DNASE1L3: variants seen among roughly 807,000 people sequenced by gnomAD.
DNASE1L3 encodes the protein deoxyribonuclease 1L3, also known as deoxyribonuclease gamma.
A neutral mutation model predicts 30.9 loss-of-function variants in DNASE1L3; 27 were observed. The observed-to-expected ratio is 0.87, with a 90% CI of 0.64 to 1.20. The LOEUF (loss-of-function observed/expected upper bound fraction) is 1.20. Among genes scored for constraint, DNASE1L3 ranks in the 50% most tolerant of loss-of-function variants. The pLI is 0.00. For synonymous variants in DNASE1L3, 135 were observed against 138.0 expected (o/e 0.98, Z 0.15); for missense variants, 364 against 378.2 (o/e 0.96, Z 0.31).
intron 1 of DNASE1L3, 89 bp downstream of exon 1, chr3:58,210,677 C>T: frequency 6.3e-7 from 1 of 1,587,790 alleles, no homozygotes; most frequent in South Asian, 1.1e-5. Context: ...TAAGGGCCAA[C>T]TTTAAGTTCC....
At chr3:58,207,024 C>T (rs1370658917) in intron 2 of DNASE1L3, among the ~76,000 whole-genome samples, 1 of 152,172 alleles carries the variant, frequency 6.6e-6, no homozygotes, top group Non-Finnish European at 1.5e-5. Flanking sequence ...TCTCATCTTG[C>T]TCCTGCCCAA....
At chr3:58,203,668 T>C (rs1364008070) in intron 4 of DNASE1L3, among the ~76,000 whole-genome samples, 2 of 152,086 alleles carry the variant, frequency 1.3e-5, no homozygotes, top group Non-Finnish European at 1.5e-5. Flanking sequence ...AGTGTGGTGG[T>C]GCATGCCTAT....
In DNASE1L3 at chr3:58,201,065, T is replaced by G; in HGVS notation, c.478A>C (p.Thr160Pro). 6.2e-7 allele frequency: 1 copy of G among 1,613,060 alleles called. No individual in the cohort carries two copies. Reference protein sequence around the residue: ...VIIPLHTTPETSVKEIDELVE... With the variant: ...VIIPLHTTPEPSVKEIDELVE... ...AACTCATCGATCTCCTTAACGGATG[T>G]CTCTGGGGTGGTGTGCAGGGGGATA... The change falls in exon 5 of 8, where the codon ACA (threonine) becomes CCA (proline). Residue 160 changes from threonine to proline, a missense_variant. Physicochemically the swap from Thr to Pro is conservative, Grantham distance 38. Transcript: ENST00000394549.
chr3:58,203,626 A>G (rs2097402157), intron 4 of DNASE1L3, among the ~76,000 whole-genome samples: 2 of 152,132 alleles, frequency 1.3e-5, no homozygotes, highest in South Asian at 4.2e-4. Context: ...AGCGAGACCT[A>G]TCTCGCTATT....
At chr3:58,208,108 T>C in intron 2 of DNASE1L3, 110 bp downstream of exon 2, 1 of 1,041,456 alleles carries the variant, frequency 9.6e-7, no homozygotes, top group Middle Eastern at 2.7e-4. Flanking sequence ...ACTGGCTGTG[T>C]GAACTGGTGG....
In DNASE1L3 at chr3:58,192,993, A is replaced by G; in HGVS notation, c.802-190T>C. 7.0e-7 allele frequency: 1 copy of G among 1,436,924 alleles called. No individual in the cohort carries two copies. The highest frequency in any genetic ancestry group is 9.1e-7 in the Non-Finnish European group (1 of 1,103,248). The allele number at this position is 1,436,924 out of a possible 1,614,324, so 89.0% of individuals were successfully genotyped here. ...AAATTTTGGAGGGGCCTCAAATCAC[A>G]GAATCATAGGCATTGAGGGTCAAGG... is the stretch of plus-strand genomic sequence containing the variant. On this transcript the variant is annotated intron_variant, in intron 7 of 7. Transcript: ENST00000394549. This position sits in a 1 kb window ranked among gnomAD's most constrained non-coding sequence, Gnocchi z 4.8.
At chr3:58,195,065 T>C (rs1488578782) in intron 6 of DNASE1L3, among the ~76,000 whole-genome samples, 2 of 152,226 alleles carry the variant, frequency 1.3e-5, no homozygotes, top group Admixed American at 6.5e-5. Context: ...TCTAGGGATG[T>C]GCAGGACCAG....
chr3:58,210,968 C>T lies in DNASE1L3; in HGVS notation c.-62G>A. 1 of 1,592,592 alleles carries T rather than the reference C, an allele frequency of 6.3e-7. No individual in the cohort carries two copies. The highest frequency in any genetic ancestry group is 8.6e-7 in the Non-Finnish European group (1 of 1,167,176). On this transcript the variant is annotated 5_prime_UTR_variant, in exon 1 of 8. Coordinates refer to ENST00000394549, the MANE Select transcript of DNASE1L3 (RefSeq NM_004944.4). ...ACAGCAGTGCTTGGAGTGCTGGATT[C>T]TGGCCACTTCCGCAGGCTCCACTGA...
rs75443667 is a variant in DNASE1L3, at chr3:58,198,302, A to G, written c.547-324T>C. On this transcript the variant is annotated intron_variant, in intron 5 of 7. Coordinates refer to ENST00000394549, the MANE Select transcript of DNASE1L3 (RefSeq NM_004944.4). ...AATTAGGACACAGAAAAGTGGAGCA[A>G]AGACCATGTAAAGACACTGGAAGAA... is the stretch of plus-strand genomic sequence containing the variant. Among the ~76,000 whole-genome samples the G allele has an allele frequency of 2.1e-3, 316 of 152,348 alleles. 1 individual carries two copies. Among genetic ancestry groups the G allele is most frequent in the Non-Finnish European group, 3.0e-3 (207 of 68,032 alleles).
intron 4 of DNASE1L3, among the ~76,000 whole-genome samples, chr3:58,202,106 C>G (rs910781729): frequency 2.0e-5 from 3 of 149,944 alleles, no homozygotes; most frequent in Non-Finnish European, 4.4e-5. Context: ...GGAAAAATTG[C>G]ATATATTTAT....
intron 5 of DNASE1L3, among the ~76,000 whole-genome samples, chr3:58,199,590 G>A (rs1007035591): frequency 6.6e-6 from 1 of 152,070 alleles, no homozygotes; most frequent in African/African-American, 2.4e-5. Context: ...CTTGAACCCG[G>A]GAGGTGGAGG....
chr3:58,199,970 G>GA (rs2097399612), intron 5 of DNASE1L3, among the ~76,000 whole-genome samples: 1 of 152,156 alleles, frequency 6.6e-6, no homozygotes, highest in Non-Finnish European at 1.5e-5. Context: ...GAGGAAGGGG[G>GA]ATCACAGGAG....
At chr3:58,206,687 G>A (rs181924554) in intron 2 of DNASE1L3, among the ~76,000 whole-genome samples, 15 of 152,258 alleles carry the variant, frequency 9.9e-5, no homozygotes, top group Admixed American at 7.9e-4. Context: ...TGGAGGAGAT[G>A]ACTGGAGCCT....
At chr3:58,209,872 A>T (rs892509661) in intron 1 of DNASE1L3, among the ~76,000 whole-genome samples, 1 of 152,262 alleles carries the variant, frequency 6.6e-6, no homozygotes, top group Admixed American at 6.5e-5. Flanking sequence ...TCCTAAGGTA[A>T]TAAGTACCTT....
chr3:58,200,915 T>A lies in DNASE1L3; in HGVS notation c.546+82A>T, dbSNP rs566623114. On this transcript the variant is annotated intron_variant, in intron 5 of 7. Coordinates refer to ENST00000394549, the MANE Select transcript of DNASE1L3 (RefSeq NM_004944.4). The surrounding 1 kb of genome is among the most constrained non-coding windows in gnomAD (Gnocchi z 4.2). ...CTGCACATGCCCTTCCTCCTCCCCC[T>A]CCCTGGAGAGGTACTCATCCCACTC... 9.8e-5 allele frequency: 110 copies of A among 1,121,856 alleles called. No individual in the cohort carries two copies. In the East Asian group the frequency reaches 2.5e-3, roughly 26 times the overall value. The allele number at this position is 1,121,856 out of a possible 1,614,324, so 69.5% of individuals were successfully genotyped here.
chr3:58,192,960 T>G lies in DNASE1L3; in HGVS notation c.802-157A>C. 1 of 1,442,202 alleles carries G rather than the reference T, an allele frequency of 6.9e-7. No individual in the cohort carries two copies. Among genetic ancestry groups the G allele is most frequent in the Non-Finnish European group, 9.0e-7 (1 of 1,105,072 alleles). 89.3% of individuals were successfully genotyped at this position (1,442,202 alleles called of 1,614,324 possible). A position where few individuals can be genotyped will look rare whatever the true frequency, so the allele number is the denominator to read the frequency against. ...TGGTAAGCGTCATTCCAAGACCAGCTCGATCAGAAATTTTGGAGGGGCCTC... is the reference window on the plus strand; with the variant it reads ...TGGTAAGCGTCATTCCAAGACCAGCGCGATCAGAAATTTTGGAGGGGCCTC... On this transcript the variant is annotated intron_variant, in intron 7 of 7. Coordinates refer to ENST00000394549, the MANE Select transcript of DNASE1L3 (RefSeq NM_004944.4). The surrounding 1 kb of genome is among the most constrained non-coding windows in gnomAD (Gnocchi z 4.8).
In DNASE1L3 at chr3:58,200,864, T is replaced by G; in HGVS notation, c.546+133A>C. Reference sequence around the variant, plus strand: ...GATACTTAGGGCTGAAGAAAGGCCTTAAAGAATGCTGTAAGTGGTGGTAGC... The same window carrying G: ...GATACTTAGGGCTGAAGAAAGGCCTGAAAGAATGCTGTAAGTGGTGGTAGC... On this transcript the variant is annotated intron_variant, in intron 5 of 7. Transcript: ENST00000394549. The surrounding 1 kb of genome is among the most constrained non-coding windows in gnomAD (Gnocchi z 4.2). 1.5e-6 allele frequency: 1 copy of G among 645,860 alleles called. No homozygotes were observed. Among genetic ancestry groups the G allele is most frequent in the Non-Finnish European group, 2.6e-6 (1 of 382,644 alleles). 40.0% of individuals were successfully genotyped at this position (645,860 alleles called of 1,614,324 possible).
intron 7 of DNASE1L3, 159 bp downstream of exon 7, chr3:58,193,184 C>T: frequency 1.4e-6 from 2 of 1,435,294 alleles, no homozygotes; most frequent in African/African-American, 1.4e-5. Flanking sequence ...TCAAGTGATC[C>T]TCCCACCTCA....
At chr3:58,209,479 T>C (rs915978155) in intron 1 of DNASE1L3, among the ~76,000 whole-genome samples, 3 of 152,176 alleles carry the variant, frequency 2.0e-5, no homozygotes, top group African/African-American at 7.2e-5. Flanking sequence ...TCCCACAGGC[T>C]TGGCATTGCT....
Sources: gnomAD v4.1 joint callset for allele counts (sites outside exome capture counted in the v4.1 genomes callset) on GRCh38, gnomAD v4.1.1 for gene constraint, Gnocchi (gnomAD v3.1) non-coding constraint, MANE v1.5 for transcripts, NCBI Gene and HGNC (gene_info 2026-07-23, HGNC 2026-07-21) for gene names.